MAPK10: variants seen among roughly 807,000 people sequenced by gnomAD.
The protein encoded by MAPK10 is mitogen-activated protein kinase 10.
In MAPK10, 25 loss-of-function variants were observed where a neutral mutation model predicts 59.3. The ratio of observed to expected loss-of-function variants is 0.42; its 90% confidence interval spans 0.31 to 0.59. The LOEUF (loss-of-function observed/expected upper bound fraction) is 0.59. Among genes scored for constraint, MAPK10 ranks in the 20% least tolerant of loss-of-function variants. The pLI, the probability that MAPK10 is intolerant of heterozygous loss-of-function variation, is 0.15. For synonymous variants in MAPK10, 190 were observed against 200.5 expected (o/e 0.95, Z 0.44); for missense variants, 351 against 568.9 (o/e 0.62, Z 3.90).
intron 1 of MAPK10, among the ~76,000 whole-genome samples, chr4:86,389,602 G>T (rs1165237291): frequency 6.6e-6 from 1 of 152,128 alleles, no homozygotes; most frequent in Non-Finnish European, 1.5e-5. Flanking sequence ...CAAGGGGACT[G>T]GGTGTTGTGA....
At chr4:86,264,118 T>G (rs72663907) in intron 2 of MAPK10, among the ~76,000 whole-genome samples, 11,594 of 152,308 alleles carry the variant, frequency 0.076, 625 homozygotes, top group Non-Finnish European at 0.12. Flanking sequence ...ATTATTTTAT[T>G]TCTTGCTTGT....
chr4:86,311,042 A>C (rs1228137554), intron 2 of MAPK10, among the ~76,000 whole-genome samples: 1 of 149,684 alleles, frequency 6.7e-6, no homozygotes. Flanking sequence ...AGTTACACAC[A>C]CACACACACA....
chr4:86,485,534 T>C (rs1753922820), intron 1 of MAPK10, among the ~76,000 whole-genome samples: 1 of 152,168 alleles, frequency 6.6e-6, no homozygotes, highest in Non-Finnish European at 1.5e-5. Flanking sequence ...AAAGAATGAA[T>C]ATGCAAATAG....
chr4:86,488,723 A>T lies in MAPK10; in HGVS notation c.-263+105187T>A, dbSNP rs1754227516. Among the ~76,000 whole-genome samples the T allele has an allele frequency of 2.0e-5, 3 of 152,168 alleles. No individual in the cohort carries two copies. In the South Asian group the frequency reaches 6.2e-4, roughly 32 times the overall value. On this transcript the variant is annotated intron_variant, in intron 1 of 4. Transcript: ENST00000502302. ...CAGTCCCAGAAAGGCTCCGAAGTAGACAAAGATGATCGGTACTGCCCACCC... is the reference window on the plus strand; with the variant it reads ...CAGTCCCAGAAAGGCTCCGAAGTAGTCAAAGATGATCGGTACTGCCCACCC...
intron 2 of MAPK10, chr4:86,332,531 G>A (rs991460185): frequency 5.9e-5 from 9 of 152,132 alleles, no homozygotes; most frequent in African/African-American, 2.4e-5. Context: ...TAGAGGATAC[G>A]TTTCAGTCCA....
Position 86,012,565 on chromosome 4 carries a change from T to TA in MAPK10, c.*4662dup, listed in dbSNP as rs1195941264. 1 of 152,156 alleles carries TA rather than the reference T, an allele frequency of 6.6e-6. No individual in the cohort carries two copies. The highest frequency in any genetic ancestry group is 1.5e-5 in the Non-Finnish European group (1 of 68,026). The allele number at this position is 152,156 out of a possible 1,614,324, so 9.4% of individuals were successfully genotyped here. ...CATAATATATTGACTCCATATTACC[T>TA]AAAAAGAGTCAAAAGAAGCAGAAGT... On this transcript the variant is annotated 3_prime_UTR_variant, in exon 14 of 14. Transcript: ENST00000641462.
chr4:86,380,509 T>C (rs930895812), intron 1 of MAPK10, among the ~76,000 whole-genome samples: 1 of 152,178 alleles, frequency 6.6e-6, no homozygotes, highest in Non-Finnish European at 1.5e-5. Flanking sequence ...TTTCTGACCA[T>C]TTTAGCCCTG....
At chr4:86,547,350 C>G (rs904628305) in intron 1 of MAPK10, among the ~76,000 whole-genome samples, 1 of 152,222 alleles carries the variant, frequency 6.6e-6, no homozygotes, top group African/African-American at 2.4e-5. Context: ...CAGGACTGCG[C>G]GAGTTCCGGG....
intron 1 of MAPK10, among the ~76,000 whole-genome samples, chr4:86,368,240 A>G (rs1267948092): frequency 6.6e-6 from 1 of 152,196 alleles, no homozygotes; most frequent in African/African-American, 2.4e-5. Flanking sequence ...GTTTACAGAA[A>G]AATTGAGCAG....
At chr4:86,200,216 G>C (rs2082299508) in intron 2 of MAPK10, among the ~76,000 whole-genome samples, 1 of 151,938 alleles carries the variant, frequency 6.6e-6, no homozygotes, top group Admixed American at 6.6e-5. Flanking sequence ...ACAGCAAAAT[G>C]AACCATTCTT....
intron 11 of MAPK10, among the ~76,000 whole-genome samples, chr4:86,039,618 C>T (rs1051523419): frequency 2.6e-5 from 4 of 152,198 alleles, no homozygotes; most frequent in Non-Finnish European, 5.9e-5. Flanking sequence ...TGGAACTTCT[C>T]CAGCACTGGG....
At chr4:86,291,387 A>G (rs1215660791) in intron 2 of MAPK10, among the ~76,000 whole-genome samples, 1 of 152,218 alleles carries the variant, frequency 6.6e-6, no homozygotes, top group African/African-American at 2.4e-5. Context: ...TAGATGTGCT[A>G]CACATCACAT....
At chr4:86,438,164 C>A (rs1748986679) in intron 1 of MAPK10, among the ~76,000 whole-genome samples, 1 of 152,074 alleles carries the variant, frequency 6.6e-6, no homozygotes, top group Non-Finnish European at 1.5e-5. Flanking sequence ...AATTCTTGAT[C>A]TGGGTGGCAA....
chr4:86,161,787 T>G (rs566426221), intron 3 of MAPK10, among the ~76,000 whole-genome samples: 1 of 152,196 alleles, frequency 6.6e-6, no homozygotes, highest in African/African-American at 2.4e-5. Context: ...ATGTATAAAC[T>G]AATCATTGGC....
chr4:86,271,776 T>C (rs1298208359), intron 2 of MAPK10, among the ~76,000 whole-genome samples: 1 of 151,946 alleles, frequency 6.6e-6, no homozygotes, highest in Non-Finnish European at 1.5e-5. Flanking sequence ...AAAGCCCCTA[T>C]AAAAACATCA....
intron 1 of MAPK10, among the ~76,000 whole-genome samples, chr4:86,487,553 C>A (rs999650227): frequency 1.3e-5 from 2 of 151,862 alleles, no homozygotes; most frequent in Non-Finnish European, 2.9e-5. Flanking sequence ...CACAGTGAAA[C>A]CCCGTCTCTA....
intron 2 of MAPK10, among the ~76,000 whole-genome samples, chr4:86,198,831 A>T (rs915790997): frequency 6.6e-6 from 1 of 151,806 alleles, no homozygotes; most frequent in Non-Finnish European, 1.5e-5. Context: ...AACAGTGAAA[A>T]ATTTATTGAG....
intron 3 of MAPK10, among the ~76,000 whole-genome samples, chr4:86,173,493 T>C (rs779194400): frequency 8.6e-5 from 13 of 151,580 alleles, no homozygotes; most frequent in Non-Finnish European, 1.8e-4. Flanking sequence ...AAGACTTAAA[T>C]AAGAAAAATG....
intron 1 of MAPK10, among the ~76,000 whole-genome samples, chr4:86,485,360 A>G (rs1027244570): frequency 2.6e-5 from 4 of 152,126 alleles, no homozygotes; most frequent in African/African-American, 9.7e-5. Flanking sequence ...TTTTTGATTA[A>G]TGTCAGACTC....
Sources: allele counts gnomAD v4.1 joint callset (sites outside exome capture counted in the v4.1 genomes callset), GRCh38; gene constraint gnomAD v4.1.1; transcripts MANE v1.5; gene names NCBI Gene and HGNC (gene_info 2026-07-23, HGNC 2026-07-21).